The following JCAD variants were observed in gnomAD, a reference collection of about 807,000 sequenced individuals.
JCAD encodes the protein junctional cadherin 5-associated protein.
JCAD carries 40 observed loss-of-function variants against 98.0 expected under a neutral mutation model. The ratio of observed to expected loss-of-function variants is 0.41; its 90% CI spans 0.32 to 0.53. The LOEUF (loss-of-function observed/expected upper bound fraction) is 0.53. Among genes scored for constraint, JCAD ranks in the 20% least tolerant of loss-of-function variants. The pLI is 0.31. For missense variants in JCAD, 1,705 were observed against 1,738.1 expected, an observed-to-expected ratio of 0.98 and a Z score of 0.34; for synonymous variants, 691 against 682.3, an observed-to-expected ratio of 1.01 and a Z score of -0.20.
At chr10:30,058,073 T>G (rs1220151448) in intron 1 of JCAD, among the ~76,000 whole-genome samples, 1 of 152,204 alleles carries the variant, frequency 6.6e-6, no homozygotes, top group Non-Finnish European at 1.5e-5. Context: ...GACTGCCTTT[T>G]TTTGCCAGAG....
chr10:30,028,340 A>G lies in JCAD; in HGVS notation c.1808T>C (p.Leu603Ser). Reference sequence around the variant, plus strand: ...ATTCTTTTGATCAGCACTGGGCTTTAAGTCATTGTTGTCCATATCTCTATC... The same window carrying G: ...ATTCTTTTGATCAGCACTGGGCTTTGAGTCATTGTTGTCCATATCTCTATC... ...LPDRDMDNND[L>S]KPSADQKNGS... The change falls in exon 3 of 4, where the codon TTA becomes TCA. Residue 603 changes from leucine (L) to serine (S), a missense_variant. Physicochemically the swap from Leu to Ser is moderately radical, Grantham distance 145. This residue lies in a region of JCAD where 1,278 missense variants were observed against 1,243.1 expected (regional missense o/e 1.03). Coordinates refer to ENST00000375377, the MANE Select transcript of JCAD (RefSeq NM_020848.4). The G allele has an allele frequency of 2.5e-6, 4 of 1,614,108 alleles. No homozygotes were observed. The highest frequency in any genetic ancestry group is 3.4e-6 in the Non-Finnish European group (4 of 1,180,016).
At chr10:30,096,053 G>A (rs1275545579) in intron 1 of JCAD, among the ~76,000 whole-genome samples, 1 of 152,092 alleles carries the variant, frequency 6.6e-6, no homozygotes, top group Non-Finnish European at 1.5e-5. Context: ...TTTATTGTCA[G>A]TAAAAGTCAA....
intron 2 of JCAD, among the ~76,000 whole-genome samples, chr10:30,047,029 G>A (rs1023945306): frequency 1.3e-5 from 2 of 152,130 alleles, no homozygotes; most frequent in Non-Finnish European, 2.9e-5. Flanking sequence ...CAAGGCTGCA[G>A]TGAGTTATGA....
chr10:30,071,199 C>A (rs1837880466), intron 1 of JCAD, among the ~76,000 whole-genome samples: 1 of 152,190 alleles, frequency 6.6e-6, no homozygotes, highest in Admixed American at 6.5e-5. Context: ...GCCACCACGC[C>A]CCAGCCTAAA....
intron 1 of JCAD, among the ~76,000 whole-genome samples, chr10:30,084,590 G>A (rs1838137247): frequency 6.6e-6 from 1 of 152,132 alleles, no homozygotes; most frequent in African/African-American, 2.4e-5. Context: ...CTTTGAACTG[G>A]GAAGCTGGCT....
chr10:30,052,976 T>C (rs1403691491), intron 1 of JCAD, among the ~76,000 whole-genome samples: 3 of 152,166 alleles, frequency 2.0e-5, no homozygotes. Context: ...CCAGAACTTT[T>C]TTCCTTTTTA....
chr10:30,035,245 C>A (rs1318945630), intron 2 of JCAD, among the ~76,000 whole-genome samples: 1 of 152,216 alleles, frequency 6.6e-6, no homozygotes, highest in Non-Finnish European at 1.5e-5. Flanking sequence ...AAAAATGTTA[C>A]ACTATCACTT....
At chr10:30,108,565 T>G (rs1838629810) in intron 1 of JCAD, among the ~76,000 whole-genome samples, 1 of 152,204 alleles carries the variant, frequency 6.6e-6, no homozygotes, top group South Asian at 2.1e-4. Flanking sequence ...CCATCGTTCA[T>G]TGTTCATTGT....
chr10:30,035,207 G>C (rs180845249), intron 2 of JCAD, among the ~76,000 whole-genome samples: 1 of 152,154 alleles, frequency 6.6e-6, no homozygotes, highest in African/African-American at 2.4e-5. Flanking sequence ...TCCTACAGAG[G>C]GAGCGTGGTT....
At chr10:30,023,188 C>A (rs1051880394) in intron 3 of JCAD, among the ~76,000 whole-genome samples, 1 of 152,002 alleles carries the variant, frequency 6.6e-6, no homozygotes, top group African/African-American at 2.4e-5. Flanking sequence ...CAGGTGCCTG[C>A]CATTACACCC....
In JCAD at chr10:30,028,998, C is replaced by A. The variant is rs749970972; in HGVS notation, c.1150G>T (p.Gly384Cys). 1 of 1,613,898 alleles carries A rather than the reference C, an allele frequency of 6.2e-7. No individual in the cohort carries two copies. The highest frequency in any genetic ancestry group is 2.2e-5 in the East Asian group (1 of 44,876). The change falls in exon 3 of 4, where the codon GGT (glycine) becomes TGT (cysteine). Residue 384 changes from glycine to cysteine, a missense_variant. Gly to Cys is a radical substitution (Grantham distance 159). This residue lies in a region of JCAD where 1,278 missense variants were observed against 1,243.1 expected (regional missense o/e 1.03). Coordinates refer to ENST00000375377, the MANE Select transcript of JCAD (RefSeq NM_020848.4). Reference sequence around the variant, plus strand: ...CCAGGGGGGCCTGAAGGAGGCTGACCGCTGGCCCCAGCCTTCTCGGTCGGA... The same window carrying A: ...CCAGGGGGGCCTGAAGGAGGCTGACAGCTGGCCCCAGCCTTCTCGGTCGGA... ...QSPTEKAGAS[G>C]QPPSGPPGTG... is the part of the protein sequence containing the mutation.
At position 30,029,147 on chromosome 10, in the gene JCAD, C is replaced by T; in HGVS notation, c.1001G>A (p.Gly334Glu). The change falls in exon 3 of 4, where the codon GGA becomes GAA. Residue 334 changes from glycine to glutamate, a missense_variant. Around this residue, in one of 3 missense-constraint regions of JCAD, gnomAD observed 275 missense variants for 346.9 expected, o/e 0.79. Coordinates refer to ENST00000375377, the MANE Select transcript of JCAD (RefSeq NM_020848.4). ...PRHELCLSDPGLEPPVYVPPP... is the reference protein window; with the variant it reads ...PRHELCLSDPELEPPVYVPPP... ...AGGCACGTACACTGGAGGTTCCAAT[C>T]CAGGGTCTGACAGGCAGAGCTCATG... The T allele has an allele frequency of 6.2e-7, 1 of 1,614,174 alleles. No homozygotes were observed. The highest frequency in any genetic ancestry group is 8.5e-7 in the Non-Finnish European group (1 of 1,180,024).
rs1161698137 is a variant in JCAD at position 30,014,203 on chromosome 10, C to T, written c.*3680G>A. On this transcript the variant is annotated 3_prime_UTR_variant, in exon 4 of 4. Coordinates refer to ENST00000375377, the MANE Select transcript of JCAD (RefSeq NM_020848.4). ...TGAGTAGCAACTCTCCTCCCACAGA[C>T]AGATGTACAGAATCTGCAGTCAAAA... 1 of 152,166 alleles carries T rather than the reference C, an allele frequency of 6.6e-6. No homozygotes were observed. The highest frequency in any genetic ancestry group is 2.4e-5 in the African/African-American group (1 of 41,432). 9.4% of individuals were successfully genotyped at this position (152,166 alleles called of 1,614,324 possible).
rs566543369 is a variant in JCAD at position 30,027,496 on chromosome 10, G to A, written c.2652C>T (p.Asn884=). 9 of 1,608,980 alleles carry A rather than the reference G, an allele frequency of 5.6e-6. No individual in the cohort carries two copies. The highest frequency in any genetic ancestry group is 4.5e-5 in the East Asian group (2 of 44,880). Residue 884 remains asparagine, a synonymous_variant, in exon 3 of 4, where the codon AAC becomes AAT. Transcript: ENST00000375377. ...CRQEDVGFRG[N]SPEMRVEPQP... ...GTGGCTCAACCCTCATTTCCGGGCT[G>A]TTTCCGCGGAAGCCCACATCCTCCT...
At position 30,047,821 on chromosome 10, in the gene JCAD, G is replaced by T; in HGVS notation, c.-9C>A. On this transcript the variant is annotated 5_prime_UTR_variant, in exon 2 of 4. Coordinates refer to ENST00000375377, the MANE Select transcript of JCAD (RefSeq NM_020848.4). ...TCTTCTACACTGTACATGATGCCTG[G>T]GCTTCAGCAAAGCTCAACCACTGGA... 6.3e-7 allele frequency: 1 copy of T among 1,593,148 alleles called. No individual in the cohort carries two copies. Among genetic ancestry groups the T allele is most frequent in the Non-Finnish European group, 8.6e-7 (1 of 1,168,188 alleles).
chr10:30,079,326 G>A (rs1342137537), intron 1 of JCAD, among the ~76,000 whole-genome samples: 3 of 123,996 alleles, frequency 2.4e-5, no homozygotes, highest in African/African-American at 9.1e-5. Context: ...TAGCCTGGGC[G>A]ATAGAGCAAG....
upstream of JCAD, among the ~76,000 whole-genome samples, chr10:30,063,549 T>C (rs1837734781): frequency 6.6e-6 from 1 of 152,148 alleles, no homozygotes; most frequent in Non-Finnish European, 1.5e-5. Flanking sequence ...ATTGATTTTG[T>C]TTTTCTTAGT....
chr10:30,108,168 C>T (rs192967551), intron 1 of JCAD, among the ~76,000 whole-genome samples: 14 of 152,088 alleles, frequency 9.2e-5, no homozygotes, highest in South Asian at 4.2e-4. Flanking sequence ...CAAAATTAGC[C>T]GGGCGTGGTG....
chr10:30,090,028 A>G (rs1323281998), intron 1 of JCAD, among the ~76,000 whole-genome samples: 1 of 152,172 alleles, frequency 6.6e-6, no homozygotes, highest in Admixed American at 6.5e-5. Flanking sequence ...TTCCTTCTCA[A>G]CCTGATGGGT....
Sources: allele counts gnomAD v4.1 joint callset (sites outside exome capture counted in the v4.1 genomes callset), GRCh38; gene constraint gnomAD v4.1.1; regional missense constraint gnomAD v4.1.1; transcripts MANE v1.5; gene names NCBI Gene and HGNC (gene_info 2026-07-23, HGNC 2026-07-21).